PRELID2: variants seen among roughly 807,000 people sequenced by gnomAD.
PRELID2 encodes the protein PRELI domain-containing protein 2.
PRELID2 carries 25 observed loss-of-function variants against 28.4 expected under a neutral mutation model. The ratio of observed to expected loss-of-function variants is 0.88; its 90% CI spans 0.64 to 1.23. PRELID2 has a LOEUF of 1.23. Ranked by LOEUF, PRELID2 falls within the 50% of genes most tolerant of loss-of-function variation. The pLI is 0.00. For synonymous variants in PRELID2, 76 were observed against 71.6 expected, an observed-to-expected ratio of 1.06 and a Z score of -0.31; for missense variants, 201 against 214.4, an observed-to-expected ratio of 0.94 and a Z score of 0.39.
At chr5:145,457,478 C>A in the PRELID2 span, among the ~76,000 whole-genome samples, 1 of 152,116 alleles carries the variant, frequency 6.6e-6, no homozygotes, top group Non-Finnish European at 1.5e-5. Flanking sequence ...TTTTCAAAGA[C>A]ATGATTATGT....
At chr5:145,656,777 A>C (rs1754404002) in intron 1 of PRELID2, among the ~76,000 whole-genome samples, 1 of 151,400 alleles carries the variant, frequency 6.6e-6, no homozygotes, top group South Asian at 2.1e-4. Context: ...GGGGAGGGAT[A>C]GCATTAGGAG....
the PRELID2 span, among the ~76,000 whole-genome samples, chr5:145,322,408 T>C: frequency 2.0e-5 from 3 of 152,202 alleles, no homozygotes; most frequent in African/African-American, 7.2e-5. Flanking sequence ...CATTCCTTCT[T>C]GAAAGACATA....
the PRELID2 span, among the ~76,000 whole-genome samples, chr5:145,275,608 C>T: frequency 0.024 from 3,586 of 152,164 alleles, 144 homozygotes; most frequent in African/African-American, 0.082. Flanking sequence ...GAGCCATAAG[C>T]GGATGTCAGA....
the PRELID2 span, among the ~76,000 whole-genome samples, chr5:145,309,711 A>G: frequency 6.6e-6 from 1 of 152,160 alleles, no homozygotes; most frequent in Non-Finnish European, 1.5e-5. Context: ...TATGGAGTCC[A>G]TGTTTTACAG....
intron 1 of PRELID2, among the ~76,000 whole-genome samples, chr5:145,543,159 A>G (rs1450437266): frequency 6.6e-6 from 1 of 152,062 alleles, no homozygotes; most frequent in African/African-American, 2.4e-5. Flanking sequence ...TTGAAATTTC[A>G]CATTTGCTTG....
chr5:145,463,342 G>GT, the PRELID2 span, among the ~76,000 whole-genome samples: 87,300 of 135,728 alleles, frequency 0.64, 28,137 homozygotes, highest in Non-Finnish European at 0.7. Context: ...CCTATTTGAA[G>GT]TTTTTTTTTT....
intron 4 of PRELID2, among the ~76,000 whole-genome samples, chr5:145,807,417 A>G (rs1753587954): frequency 6.6e-6 from 1 of 152,256 alleles, no homozygotes; most frequent in Admixed American, 6.5e-5. Context: ...ATTTAATCCC[A>G]TTAGTTCTAA....
In PRELID2 at chr5:145,492,550, T is replaced by C. The variant is rs942658812; in HGVS notation, n.71-19235A>G. On this transcript the variant is annotated intron_variant and non_coding_transcript_variant, in intron 1 of 2. Transcript: ENST00000510259. ...TAATCCCATTTGTCTATTTTTGTTT[T>C]TATTACTTGTGCTTTTGAGGTTATA... Among the ~76,000 whole-genome samples, 3 of 141,772 alleles carry C rather than the reference T, an allele frequency of 2.1e-5. 1 individual carries two copies. The South Asian group carries it at 7.8e-4, about 37-fold the overall frequency. The allele number at this position is 141,772 out of a possible 152,430, so 93.0% of individuals were successfully genotyped here.
chr5:145,296,087 T>C, the PRELID2 span, among the ~76,000 whole-genome samples: 2 of 152,086 alleles, frequency 1.3e-5, no homozygotes, highest in Non-Finnish European at 2.9e-5. Flanking sequence ...AATTATTCTT[T>C]TAAAACCTAT....
At chr5:145,269,703 A>C in the PRELID2 span, among the ~76,000 whole-genome samples, 4 of 150,802 alleles carry the variant, frequency 2.7e-5, no homozygotes, top group African/African-American at 9.7e-5. Context: ...GAGCCAAACT[A>C]TACAAACTAT....
chr5:145,666,028 A>G (rs1379064180), intron 1 of PRELID2, among the ~76,000 whole-genome samples: 1 of 150,914 alleles, frequency 6.6e-6, no homozygotes, highest in Non-Finnish European at 1.5e-5. Context: ...AGTACTATTT[A>G]TTCTCTTATG....
chr5:145,643,740 C>T (rs933642730), intron 1 of PRELID2, among the ~76,000 whole-genome samples: 6 of 152,018 alleles, frequency 3.9e-5, no homozygotes, highest in Non-Finnish European at 7.4e-5. Context: ...TGAATTTTGT[C>T]GAAGACATTT....
the PRELID2 span, among the ~76,000 whole-genome samples, chr5:145,365,255 G>A: frequency 1.3e-5 from 2 of 151,770 alleles, no homozygotes; most frequent in African/African-American, 4.8e-5. Flanking sequence ...AATTACTGAA[G>A]GATTGGATTT....
chr5:145,292,842 G>T, the PRELID2 span, among the ~76,000 whole-genome samples: 335 of 151,932 alleles, frequency 2.2e-3, 2 homozygotes, highest in African/African-American at 7.8e-3. Flanking sequence ...CAGGTAGCTG[G>T]GACTACAGGA....
intron 1 of PRELID2, among the ~76,000 whole-genome samples, chr5:145,521,335 G>A (rs780067450): frequency 1.3e-5 from 2 of 152,126 alleles, no homozygotes; most frequent in Non-Finnish European, 2.9e-5. Flanking sequence ...CCTGTCACAT[G>A]GTTACTCTAC....
chr5:145,441,249 C>T, the PRELID2 span: 1 of 152,070 alleles, frequency 6.6e-6, no homozygotes, highest in African/African-American at 2.4e-5. Flanking sequence ...AGGCCAACAA[C>T]TCTCAAAGTT....
chr5:145,437,487 A>G, the PRELID2 span, among the ~76,000 whole-genome samples: 6 of 152,284 alleles, frequency 3.9e-5, no homozygotes, highest in South Asian at 2.1e-4. Context: ...TGTCTTTAGT[A>G]TATTAACCTT....
intron 1 of PRELID2, among the ~76,000 whole-genome samples, chr5:145,522,739 T>C (rs1390492649): frequency 6.7e-6 from 1 of 148,848 alleles, no homozygotes; most frequent in African/African-American, 2.5e-5. Context: ...CTTGAAGCAA[T>C]GTTATCTTTG....
chr5:145,267,231 C>T, the PRELID2 span, among the ~76,000 whole-genome samples: 3 of 152,102 alleles, frequency 2.0e-5, no homozygotes, highest in Non-Finnish European at 2.9e-5. Flanking sequence ...TCTCTACCTG[C>T]TTTATATCTT....
Sources: allele counts gnomAD v4.1 joint callset (sites outside exome capture counted in the v4.1 genomes callset), GRCh38; gene constraint gnomAD v4.1.1; transcripts MANE v1.5; gene names NCBI Gene and HGNC (gene_info 2026-07-23, HGNC 2026-07-21).